The following CA13 variants were observed in gnomAD, a reference collection of about 807,000 sequenced individuals.
CA13 encodes carbonic anhydrase 13, also known as CA-XIII.
CA13 carries 21 observed loss-of-function variants against 31.5 expected under a neutral mutation model. The observed-to-expected ratio is 0.67, with a 90% CI of 0.47 to 0.96. The LOEUF (loss-of-function observed/expected upper bound fraction) is 0.96, where lower values mean the gene tolerates loss of function less well. Among genes scored for constraint, CA13 ranks in the 40% least tolerant of loss-of-function variants. The pLI, the probability that CA13 is intolerant of heterozygous loss-of-function variation, is 0.00. For synonymous variants in CA13, 117 were observed against 111.4 expected (o/e 1.05, Z -0.32); for missense variants, 315 against 318.9 (o/e 0.99, Z 0.09).
chr8:85,265,534 C>T (rs965823250), intron 3 of CA13, among the ~76,000 whole-genome samples: 3 of 151,736 alleles, frequency 2.0e-5, no homozygotes, highest in Non-Finnish European at 4.4e-5. Flanking sequence ...GAGTTCCAGG[C>T]CCCCCACCTC....
chr8:85,250,858 T>C lies in CA13; in HGVS notation c.156T>C (p.Tyr52=), dbSNP rs1285758045. Residue 52 remains tyrosine (Y), a synonymous_variant, in exon 2 of 7, where the codon TAT becomes TAC. Transcript: ENST00000321764. ...DSSLRPLSIK[Y]DPSSAKIISN... ...CCCTCCGACCACTTAGTATCAAGTA[T>C]GACCCAAGCTCAGCTAAAATCATCA... 2 of 1,614,026 alleles carry C rather than the reference T, an allele frequency of 1.2e-6. No homozygotes were observed. Among genetic ancestry groups the C allele is most frequent in the East Asian group, 2.2e-5 (1 of 44,886 alleles).
intron 3 of CA13, among the ~76,000 whole-genome samples, chr8:85,263,659 T>C (rs2129977893): frequency 6.6e-6 from 1 of 152,282 alleles, no homozygotes. Context: ...GTGGTGCCAT[T>C]TACTGAAATG....
At chr8:85,268,756 G>A in intron 6 of CA13, 129 bp downstream of exon 6, 1 of 769,062 alleles carries the variant, frequency 1.3e-6, no homozygotes, top group Non-Finnish European at 2.0e-6. Flanking sequence ...CATCAGACGG[G>A]TCGTTGGGCT....
At chr8:85,246,352 A>G (rs1396650928) in intron 1 of CA13, 10 of 456,400 alleles carry the variant, frequency 2.2e-5, no homozygotes, top group South Asian at 1.4e-4. Flanking sequence ...ACTGAAGATT[A>G]AGTTGGCTTC....
chr8:85,268,462 GA>G lies in CA13; in HGVS notation c.514-9del. The G allele has an allele frequency of 6.2e-7, 1 of 1,613,566 alleles. No individual in the cohort carries two copies. ...ATTGTAATTTGTGGGAATTCTTTTT[GA>G]TCCTCCAGGGTAAACAAACTCGATT... On this transcript the variant is annotated splice_polypyrimidine_tract_variant and intron_variant, in intron 5 of 6. Coordinates refer to ENST00000321764, the MANE Select transcript of CA13 (RefSeq NM_198584.3).
At chr8:85,252,822 C>G (rs573290327) in intron 2 of CA13, among the ~76,000 whole-genome samples, 1 of 152,054 alleles carries the variant, frequency 6.6e-6, no homozygotes, top group East Asian at 1.9e-4. Context: ...TTAATTGAGC[C>G]CAGATTTAGA....
rs1225561198 is a variant in CA13, at chr8:85,283,367, C to T, written c.*2018C>T. ...CTAATTCTTTGGTCAATGTTCTTTT[C>T]CCCTCAGTGTCTAGTTTAAGGCTTT... On this transcript the variant is annotated 3_prime_UTR_variant, in exon 7 of 7. Transcript: ENST00000321764. The T allele has an allele frequency of 6.6e-6, 1 of 152,122 alleles. No homozygotes were observed. The highest frequency in any genetic ancestry group is 2.4e-5 in the African/African-American group (1 of 41,416). 9.4% of individuals were successfully genotyped at this position (152,122 alleles called of 1,614,324 possible). A position where few individuals can be genotyped will look rare whatever the true frequency, so the allele number is the denominator to read the frequency against.
chr8:85,270,053 G>A (rs1807508416), intron 6 of CA13, among the ~76,000 whole-genome samples: 1 of 152,210 alleles, frequency 6.6e-6, no homozygotes, highest in African/African-American at 2.4e-5. Flanking sequence ...TTCAGAAACT[G>A]TGCTTGAGGT....
At chr8:85,275,782 A>G (rs955790227) in intron 6 of CA13, among the ~76,000 whole-genome samples, 2 of 152,256 alleles carry the variant, frequency 1.3e-5, no homozygotes, top group African/African-American at 2.4e-5. Flanking sequence ...CCCCGATTCA[A>G]CACATTCCTC....
chr8:85,270,382 A>G (rs757391640), intron 6 of CA13, among the ~76,000 whole-genome samples: 8 of 152,072 alleles, frequency 5.3e-5, no homozygotes, highest in Non-Finnish European at 1.0e-4. Context: ...TGTCTTTAGG[A>G]TTAAAGGCAA....
chr8:85,270,528 G>T (rs2129992603), intron 6 of CA13, among the ~76,000 whole-genome samples: 1 of 152,256 alleles, frequency 6.6e-6, no homozygotes, highest in Non-Finnish European at 1.5e-5. Context: ...TACTGATTCA[G>T]AGTCCTTAAT....
At position 85,268,658 on chromosome 8, in the gene CA13, T is replaced by C. The variant is rs201553803; in HGVS notation, c.669+31T>C. On this transcript the variant is annotated intron_variant, in intron 6 of 6. Transcript: ENST00000321764. ...TAATCTCTTCCAGGTTGATACTGAT[T>C]CCCTCAGAGGAAACTGGGCTTTTTT... 2.9e-5 allele frequency: 45 copies of C among 1,565,630 alleles called. No individual in the cohort carries two copies. The East Asian group carries it at 9.9e-4, about 35-fold the overall frequency.
chr8:85,260,184 C>T (rs2129970209), intron 3 of CA13, among the ~76,000 whole-genome samples: 1 of 152,244 alleles, frequency 6.6e-6, no homozygotes, highest in African/African-American at 2.4e-5. Context: ...ATTGTATTCA[C>T]TAATAATACT....
chr8:85,249,204 G>T (rs1481468638), intron 1 of CA13, among the ~76,000 whole-genome samples: 1 of 152,142 alleles, frequency 6.6e-6, no homozygotes, highest in East Asian at 1.9e-4. Flanking sequence ...AGCAGTATCA[G>T]ATTTAGAGTT....
chr8:85,273,873 G>A (rs72682919), intron 6 of CA13, among the ~76,000 whole-genome samples: 8,568 of 152,080 alleles, frequency 0.056, 360 homozygotes, highest in Non-Finnish European at 0.091. Context: ...GGTGCAGACG[G>A]GCTGAGGTCT....
chr8:85,249,878 C>T (rs1813795804), intron 1 of CA13: 1 of 441,090 alleles, frequency 2.3e-6, no homozygotes, highest in Non-Finnish European at 4.5e-6. Flanking sequence ...TAGAGTCTTC[C>T]AAAGAAGTGA....
chr8:85,273,937 C>T (rs1217470112), intron 6 of CA13, among the ~76,000 whole-genome samples: 1 of 151,954 alleles, frequency 6.6e-6, no homozygotes, highest in African/African-American at 2.4e-5. Flanking sequence ...TTATAGTCTC[C>T]TGTAAACAAG....
rs980875084 is a variant in CA13, at chr8:85,245,631, C to A, written c.-198C>A. 6 of 604,348 alleles carry A rather than the reference C, an allele frequency of 9.9e-6. No individual in the cohort carries two copies. The African/African-American group carries it at 1.2e-4, about 12-fold the overall frequency. The allele number at this position is 604,348 out of a possible 1,614,324, so 37.4% of individuals were successfully genotyped here. ...TCGCGCCCCAGGAGTCAGCCAGCGGCGCGGGCGCCTTCCCCGCACGCCTCT... is the reference window on the plus strand; with the variant it reads ...TCGCGCCCCAGGAGTCAGCCAGCGGAGCGGGCGCCTTCCCCGCACGCCTCT... On this transcript the variant is annotated 5_prime_UTR_variant, in exon 1 of 7. Coordinates refer to ENST00000321764, the MANE Select transcript of CA13 (RefSeq NM_198584.3).
chr8:85,267,858 G>C lies in CA13; in HGVS notation c.451-44G>C, dbSNP rs771749785. On this transcript the variant is annotated intron_variant, in intron 4 of 6. Coordinates refer to ENST00000321764, the MANE Select transcript of CA13 (RefSeq NM_198584.3). ...GGCTGAAATTGAGTGATTCAGACTT[G>C]ATCTGCTACAGTAACCATTTCTTTT... 16 of 1,202,616 alleles carry C rather than the reference G, an allele frequency of 1.3e-5. No individual in the cohort carries two copies. The South Asian group carries it at 2.0e-4, about 15-fold the overall frequency. 74.5% of individuals were successfully genotyped at this position (1,202,616 alleles called of 1,614,324 possible).
Sources: gnomAD v4.1 joint callset for allele counts (sites outside exome capture counted in the v4.1 genomes callset) on GRCh38, gnomAD v4.1.1 for gene constraint, MANE v1.5 for transcripts, NCBI Gene and HGNC (gene_info 2026-07-23, HGNC 2026-07-21) for gene names.